MALRD1: variants seen among roughly 807,000 people sequenced by gnomAD.
MALRD1 encodes the protein MAM and LDL receptor class A domain containing 1.
A neutral mutation model predicts 242.1 loss-of-function variants in MALRD1; 247 were observed. The observed-to-expected ratio is 1.02, with a 90% CI of 0.92 to 1.13. The LOEUF (loss-of-function observed/expected upper bound fraction) is 1.13. MALRD1 is among the 50% of genes most tolerant of loss of function. The probability of loss-of-function intolerance (pLI) is 0.00; values close to 1 mark genes in which losing one functional copy is unlikely to be tolerated. For synonymous variants in MALRD1, 995 were observed against 866.6 expected (o/e 1.15, Z -2.60); for missense variants, 2,989 against 2,533.1 (o/e 1.18, Z -3.86).
chr10:19,435,650 C>T (rs538545360), intron 28 of MALRD1, among the ~76,000 whole-genome samples: 11 of 152,094 alleles, frequency 7.2e-5, no homozygotes, highest in African/African-American at 2.2e-4. Flanking sequence ...GTCAAGAGTC[C>T]GTAGTATCAA....
At chr10:19,410,028 C>A (rs1055212373) in intron 28 of MALRD1, among the ~76,000 whole-genome samples, 1 of 151,986 alleles carries the variant, frequency 6.6e-6, no homozygotes, top group Non-Finnish European at 1.5e-5. Context: ...ACAAAATGGA[C>A]AAGAAAATAA....
chr10:19,527,849 C>A (rs573477574), intron 31 of MALRD1, among the ~76,000 whole-genome samples: 2 of 152,124 alleles, frequency 1.3e-5, no homozygotes, highest in African/African-American at 4.8e-5. Context: ...TGATAAAGTG[C>A]AGTCTAAATG....
chr10:19,228,542 A>G (rs1273828766), intron 18 of MALRD1, among the ~76,000 whole-genome samples: 1 of 152,202 alleles, frequency 6.6e-6, no homozygotes, highest in African/African-American at 2.4e-5. Context: ...CTGTGTGTAC[A>G]TTATACTTAA....
intron 21 of MALRD1, among the ~76,000 whole-genome samples, chr10:19,298,234 ATCCCT>A (rs1841796099): frequency 6.6e-6 from 1 of 151,898 alleles, no homozygotes; most frequent in African/African-American, 2.4e-5. Context: ...CGACCCACTA[ATCCCT>A]TCCCCACAAG....
intron 35 of MALRD1, 127 bp from the exon 36 acceptor site, chr10:19,615,730 C>CT (rs1564487121): frequency 1.3e-6 from 1 of 765,530 alleles, no homozygotes; most frequent in African/African-American, 1.8e-5. Flanking sequence ...AATTCTTTTG[C>CT]TTTTTGCAAC....
At chr10:19,270,336 T>TCTCTCACA (rs1366865915) in intron 19 of MALRD1, among the ~76,000 whole-genome samples, 6 of 130,874 alleles carry the variant, frequency 4.6e-5, no homozygotes, top group African/African-American at 1.4e-4. Flanking sequence ...TCTCTCTCTC[T>TCTCTCACA]CACACACACA....
intron 36 of MALRD1, among the ~76,000 whole-genome samples, chr10:19,686,367 C>T (rs564254205): frequency 1.3e-5 from 2 of 152,232 alleles, no homozygotes; most frequent in South Asian, 2.1e-4. Context: ...AGTGGCCGTG[C>T]GTGGCGTGTT....
intron 36 of MALRD1, among the ~76,000 whole-genome samples, chr10:19,628,801 A>G (rs1158763950): frequency 6.6e-6 from 1 of 152,198 alleles, no homozygotes; most frequent in African/African-American, 2.4e-5. Context: ...TATATTTTTA[A>G]AAATACTAAC....
intron 28 of MALRD1, among the ~76,000 whole-genome samples, chr10:19,439,320 C>G (rs970261678): frequency 1.3e-5 from 2 of 152,044 alleles, no homozygotes; most frequent in African/African-American, 4.8e-5. Flanking sequence ...AGCTTGAGCC[C>G]ATTAGTTTAA....
chr10:19,183,655 G>T (rs11008836), intron 14 of MALRD1, among the ~76,000 whole-genome samples: 14,835 of 152,006 alleles, frequency 0.098, 796 homozygotes, highest in East Asian at 0.18. Context: ...TAAAAATTTA[G>T]GTCTTCAGTG....
intron 2 of MALRD1, among the ~76,000 whole-genome samples, chr10:19,069,514 G>C (rs957056016): frequency 2.0e-5 from 3 of 151,844 alleles, no homozygotes; most frequent in Admixed American, 6.6e-5. Context: ...ATCTGAGTTT[G>C]TCTCTGGTAT....
chr10:19,352,298 G>C lies in MALRD1; in HGVS notation c.4441+1G>C. On this transcript the variant is annotated splice_donor_variant, in intron 26 of 39. Transcript: ENST00000454679. LOFTEE classifies it high-confidence loss of function. ...GAACTGGCAGTGCCTCTTCCAACAG[G>C]TACATTCTAATCTGTGTGTGTGTGT... is the stretch of plus-strand genomic sequence containing the variant. 6.8e-7 allele frequency: 1 copy of C among 1,461,324 alleles called. No individual in the cohort carries two copies. The highest frequency in any genetic ancestry group is 9.0e-7 in the Non-Finnish European group (1 of 1,110,528). The allele number at this position is 1,461,324 out of a possible 1,614,324, so 90.5% of individuals were successfully genotyped here. A position where few individuals can be genotyped will look rare whatever the true frequency, so the allele number is the denominator to read the frequency against.
rs554858594 is a variant in MALRD1 at position 19,094,324 on chromosome 10, C to T, written c.597+6139C>T. Among the ~76,000 whole-genome samples, 6 of 115,094 alleles carry T rather than the reference C, an allele frequency of 5.2e-5. 2 individuals are homozygous for T. The highest frequency in any genetic ancestry group is 1.1e-4 in the Non-Finnish European group (6 of 56,336). The allele number at this position is 115,094 out of a possible 152,430, so 75.5% of individuals were successfully genotyped here. A position where few individuals can be genotyped will look rare whatever the true frequency, so the allele number is the denominator to read the frequency against. On this transcript the variant is annotated intron_variant, in intron 4 of 39. Coordinates refer to ENST00000454679, the MANE Select transcript of MALRD1 (RefSeq NM_001142308.3). ...CCGTTTTTTAAGCCGATCTGAAAAG[C>T]GCAATATTCGGGTGGGAGTGACCCG...
rs1329770564 is a variant in MALRD1 at position 19,614,386 on chromosome 10, A to G, written c.6071-1471A>G. On this transcript the variant is annotated intron_variant, in intron 35 of 39. Coordinates refer to ENST00000454679, the MANE Select transcript of MALRD1 (RefSeq NM_001142308.3). ...GGACTCAGAATAAATTTGTTCGATT[A>G]AAATTAAAGACAGAGGAAATTTTAA... Among the ~76,000 whole-genome samples, 37 of 152,086 alleles carry G rather than the reference A, an allele frequency of 2.4e-4. 1 individual carries two copies. Among genetic ancestry groups the G allele is most frequent in the Non-Finnish European group, 1.6e-4 (11 of 67,994 alleles).
intron 28 of MALRD1, among the ~76,000 whole-genome samples, chr10:19,418,710 A>G (rs1376884491): frequency 4.6e-5 from 7 of 152,198 alleles, no homozygotes; most frequent in African/African-American, 1.4e-4. Context: ...CATAGAAGAG[A>G]TATCTCTTTA....
intron 28 of MALRD1, among the ~76,000 whole-genome samples, chr10:19,397,528 A>C (rs920600877): frequency 2.6e-5 from 4 of 152,118 alleles, no homozygotes; most frequent in Non-Finnish European, 5.9e-5. Flanking sequence ...GGCTATTGTG[A>C]ATAGTGCTAC....
At chr10:19,523,125 T>C (rs1364346990) in intron 31 of MALRD1, among the ~76,000 whole-genome samples, 2 of 152,164 alleles carry the variant, frequency 1.3e-5, no homozygotes, top group East Asian at 1.9e-4. Flanking sequence ...AAGTATGTAC[T>C]ATAATTATCT....
At chr10:19,437,521 TG>T (rs1318659607) in intron 28 of MALRD1, among the ~76,000 whole-genome samples, 1 of 152,036 alleles carries the variant, frequency 6.6e-6, no homozygotes, top group African/African-American at 2.4e-5. Context: ...TATTATTTTT[TG>T]TTATTGTTTC....
intron 21 of MALRD1, among the ~76,000 whole-genome samples, chr10:19,297,843 C>G (rs577703001): frequency 4.5e-4 from 68 of 151,880 alleles, no homozygotes; most frequent in African/African-American, 1.6e-3. Flanking sequence ...AAAAAAAAGG[C>G]ATTATGGGAA....
Sources: allele counts gnomAD v4.1 joint callset (sites outside exome capture counted in the v4.1 genomes callset), GRCh38; gene constraint gnomAD v4.1.1; transcripts MANE v1.5; gene names NCBI Gene and HGNC (gene_info 2026-07-23, HGNC 2026-07-21).